Variants in ZNRF1 observed in about 807,000 individuals in gnomAD.
The protein encoded by ZNRF1 is zinc and ring finger 1.
A neutral mutation model predicts 18.4 loss-of-function variants in ZNRF1; 3 were observed. The observed-to-expected ratio is 0.16, with a 90% confidence interval of 0.07 to 0.42. The LOEUF (loss-of-function observed/expected upper bound fraction) is 0.42. Ranked by LOEUF, ZNRF1 falls within the 10% of genes least tolerant of loss-of-function variation. The pLI is 0.99. For missense variants in ZNRF1, 310 were observed against 329.8 expected, an observed-to-expected ratio of 0.94 and a Z score of 0.47; for synonymous variants, 157 against 144.2, an observed-to-expected ratio of 1.09 and a Z score of -0.64.
intron 1 of ZNRF1, among the ~76,000 whole-genome samples, chr16:75,085,321 G>A (rs192489247): frequency 5.5e-4 from 84 of 152,244 alleles, no homozygotes; most frequent in Non-Finnish European, 3.7e-4. Flanking sequence ...TTCACTTGGC[G>A]TGTTTTAATT....
chr16:75,029,342 G>T (rs1468820220), intron 1 of ZNRF1, among the ~76,000 whole-genome samples: 6 of 151,888 alleles, frequency 4.0e-5, no homozygotes, highest in Non-Finnish European at 5.9e-5. Flanking sequence ...TAGAGACGGG[G>T]TTCTACCATC....
At chr16:75,074,675 T>C (rs1028863818) in intron 1 of ZNRF1, among the ~76,000 whole-genome samples, 4 of 152,152 alleles carry the variant, frequency 2.6e-5, no homozygotes, top group African/African-American at 9.7e-5. Flanking sequence ...GAAAATCAGA[T>C]AGGACTGACC....
At chr16:75,000,160 G>C in intron 1 of ZNRF1, 65 bp downstream of exon 1, 1 of 1,554,052 alleles carries the variant, frequency 6.4e-7, no homozygotes, top group Non-Finnish European at 8.7e-7. Flanking sequence ...GCCTTCGCGT[G>C]CGTGCCAAGG....
intron 1 of ZNRF1, among the ~76,000 whole-genome samples, chr16:75,040,711 A>G (rs2035436736): frequency 7.2e-6 from 1 of 138,356 alleles, no homozygotes; most frequent in Admixed American, 8.4e-5. Context: ...GGTCCAAGTG[A>G]TTCTCCTGGC....
intron 2 of ZNRF1, among the ~76,000 whole-genome samples, chr16:75,103,229 G>A (rs2036273379): frequency 6.6e-6 from 1 of 152,224 alleles, no homozygotes; most frequent in Non-Finnish European, 1.5e-5. Flanking sequence ...GTTCCCATGG[G>A]TGCAAGTAGC....
chr16:75,067,160 C>T (rs1386680819), intron 1 of ZNRF1, among the ~76,000 whole-genome samples: 1 of 152,134 alleles, frequency 6.6e-6, no homozygotes, highest in African/African-American at 2.4e-5. Context: ...GTGATCTCTC[C>T]AATGTGGTGC....
At chr16:75,095,872 A>C (rs1597908082) in intron 2 of ZNRF1, 1 of 899,786 alleles carries the variant, frequency 1.1e-6, no homozygotes, top group Admixed American at 3.3e-5. Context: ...ACACCCCACC[A>C]CCGGCAGCCT....
intron 1 of ZNRF1, among the ~76,000 whole-genome samples, chr16:75,001,281 C>G (rs78782635): frequency 6.6e-6 from 1 of 152,160 alleles, no homozygotes. Flanking sequence ...TTCCCCCCCC[C>G]TGCAAATAGC....
chr16:75,020,627 C>T (rs12928262), intron 1 of ZNRF1, among the ~76,000 whole-genome samples: 14 of 151,904 alleles, frequency 9.2e-5, no homozygotes, highest in African/African-American at 1.7e-4. Flanking sequence ...CTGCAGGCCC[C>T]GCCTCCCAGG....
chr16:75,021,766 C>T (rs375946307), intron 1 of ZNRF1, among the ~76,000 whole-genome samples: 1 of 152,114 alleles, frequency 6.6e-6, no homozygotes, highest in Non-Finnish European at 1.5e-5. Context: ...TCATGGTGCT[C>T]TCCAAATTTA....
intron 1 of ZNRF1, among the ~76,000 whole-genome samples, chr16:75,040,474 G>A (rs896043656): frequency 2.0e-5 from 3 of 151,584 alleles, no homozygotes; most frequent in South Asian, 2.1e-4. Flanking sequence ...GCTCCCCACC[G>A]GGCAACTGCT....
intron 1 of ZNRF1, among the ~76,000 whole-genome samples, chr16:75,084,847 T>C (rs2036055579): frequency 6.6e-6 from 1 of 152,152 alleles, no homozygotes. Context: ...ACAACACAGC[T>C]CACTGCTTGA....
intron 1 of ZNRF1, among the ~76,000 whole-genome samples, chr16:75,057,168 C>G (rs1361200946): frequency 1.3e-5 from 2 of 152,176 alleles, no homozygotes; most frequent in African/African-American, 4.8e-5. Flanking sequence ...TCTTGGAATA[C>G]CCCCACCCTG....
At chr16:75,049,870 T>TGTGG in intron 1 of ZNRF1, among the ~76,000 whole-genome samples, 1 of 150,776 alleles carries the variant, frequency 6.6e-6, no homozygotes, top group South Asian at 2.1e-4. Context: ...TGTGTGTGTG[T>TGTGG]GGTTTAGTGC....
intron 1 of ZNRF1, among the ~76,000 whole-genome samples, chr16:75,027,710 A>C (rs561279360): frequency 2.0e-5 from 3 of 152,210 alleles, no homozygotes; most frequent in African/African-American, 7.2e-5. Flanking sequence ...GCTAAATCAC[A>C]ACTCTGGTTA....
chr16:75,104,863 G>C lies in ZNRF1; in HGVS notation c.600G>C (p.Leu200=), dbSNP rs1597913197. The change falls in exon 3 of 5, where the codon CTG becomes CTC. Residue 200 remains leucine, a synonymous_variant. Transcript: ENST00000335325. ...ELLQGDTIAR[L]PCLCIYHKSC... is the part of the protein sequence containing the mutation. ...TGCAGGGGGACACGATAGCCAGGCT[G>C]CCCTGCCTGTGCATCTATCACAAAA... 1 of 1,607,620 alleles carries C rather than the reference G, an allele frequency of 6.2e-7. No individual in the cohort carries two copies. Among genetic ancestry groups the C allele is most frequent in the African/African-American group, 1.3e-5 (1 of 74,886 alleles).
chr16:75,033,910 G>T (rs2035341730), intron 1 of ZNRF1, among the ~76,000 whole-genome samples: 1 of 152,056 alleles, frequency 6.6e-6, no homozygotes, highest in South Asian at 2.1e-4. Flanking sequence ...ACTTTGGGAG[G>T]CTAAGGTGGG....
intron 1 of ZNRF1, among the ~76,000 whole-genome samples, chr16:75,029,644 C>CT (rs2035274023): frequency 6.7e-6 from 1 of 149,610 alleles, no homozygotes; most frequent in Non-Finnish European, 1.5e-5. Flanking sequence ...TAGCATGTGC[C>CT]TGTAGCCCCA....
At chr16:75,059,862 A>G (rs1033280389) in intron 1 of ZNRF1, among the ~76,000 whole-genome samples, 2 of 152,064 alleles carry the variant, frequency 1.3e-5, no homozygotes, top group East Asian at 1.9e-4. Context: ...TACATTCTTT[A>G]TGTTCCTTCA....
Sources: gnomAD v4.1 joint callset for allele counts (sites outside exome capture counted in the v4.1 genomes callset) on GRCh38, gnomAD v4.1.1 for gene constraint, MANE v1.5 for transcripts, NCBI Gene and HGNC (gene_info 2026-07-23, HGNC 2026-07-21) for gene names.